WWOX: variants seen among roughly 807,000 people sequenced by gnomAD.
WWOX encodes the protein WW domain containing oxidoreductase.
WWOX carries 69 observed loss-of-function variants against 46.2 expected under a neutral mutation model. The ratio of observed to expected loss-of-function variants is 1.49; its 90% CI spans 1.23 to 1.82. WWOX has a LOEUF of 1.82. Ranked by LOEUF, WWOX falls within the 40% of genes most tolerant of loss-of-function variation. The probability of loss-of-function intolerance (pLI) is 0.00; values close to 1 mark genes in which losing one functional copy is unlikely to be tolerated. For missense variants in WWOX, 919 were observed against 542.6 expected, an observed-to-expected ratio of 1.69 and a Z score of -6.89; for synonymous variants, 359 against 202.6, an observed-to-expected ratio of 1.77 and a Z score of -6.56.
intron 8 of WWOX, among the ~76,000 whole-genome samples, chr16:79,009,616 A>G (rs558466905): frequency 6.6e-6 from 1 of 152,046 alleles, no homozygotes; most frequent in South Asian, 2.1e-4. Flanking sequence ...ACACCTGACT[A>G]ATGTTTGTAT....
chr16:78,553,786 C>CCCTGCAGGT (rs1258506116), intron 8 of WWOX, among the ~76,000 whole-genome samples: 5 of 151,872 alleles, frequency 3.3e-5, no homozygotes, highest in African/African-American at 7.3e-5. Flanking sequence ...ATGAGTGTGG[C>CCCTGCAGGT]CCTGCAGGTC....
chr16:78,660,142 C>T (rs1597406858), intron 8 of WWOX, among the ~76,000 whole-genome samples: 1 of 152,148 alleles, frequency 6.6e-6, no homozygotes, highest in African/African-American at 2.4e-5. Context: ...GGGCCTTTCC[C>T]ATCTGTTTAC....
At chr16:79,048,596 G>A (rs772310603) in intron 8 of WWOX, among the ~76,000 whole-genome samples, 2 of 152,054 alleles carry the variant, frequency 1.3e-5, no homozygotes, top group Non-Finnish European at 2.9e-5. Flanking sequence ...TTAACATAAC[G>A]TATGCTAAAG....
intron 8 of WWOX, among the ~76,000 whole-genome samples, chr16:78,833,358 C>T (rs1255278199): frequency 1.3e-5 from 2 of 152,124 alleles, no homozygotes; most frequent in Non-Finnish European, 2.9e-5. Flanking sequence ...AACTTGCACT[C>T]TTTCCTGCAT....
At chr16:79,150,065 C>G (rs940358456) in intron 8 of WWOX, among the ~76,000 whole-genome samples, 1 of 152,186 alleles carries the variant, frequency 6.6e-6, no homozygotes, top group South Asian at 2.1e-4. Flanking sequence ...GATTAGGCCT[C>G]TCATTTTAAG....
intron 8 of WWOX, among the ~76,000 whole-genome samples, chr16:78,822,003 A>G (rs534301723): frequency 1.3e-5 from 2 of 152,226 alleles, no homozygotes; most frequent in African/African-American, 4.8e-5. Context: ...CAGTCTCCTG[A>G]GTAGGTAGGA....
chr16:78,316,101 C>G (rs117727309), intron 5 of WWOX, among the ~76,000 whole-genome samples: 2,643 of 151,776 alleles, frequency 0.017, 20 homozygotes, highest in Non-Finnish European at 0.026. Context: ...AAAAAAAAAT[C>G]AGGCATGTTA....
At chr16:78,571,637 G>A (rs957207828) in intron 8 of WWOX, among the ~76,000 whole-genome samples, 10 of 152,132 alleles carry the variant, frequency 6.6e-5, no homozygotes, top group African/African-American at 4.8e-5. Context: ...AGGAGTCCAA[G>A]GCAGGTGGAT....
chr16:78,762,191 C>T (rs1300228516), intron 8 of WWOX, among the ~76,000 whole-genome samples: 1 of 152,152 alleles, frequency 6.6e-6, no homozygotes, highest in Non-Finnish European at 1.5e-5. Context: ...ACCAAAATCA[C>T]AGACCCAGGA....
chr16:78,739,304 C>T (rs867532586), intron 8 of WWOX, among the ~76,000 whole-genome samples: 2 of 152,190 alleles, frequency 1.3e-5, no homozygotes, highest in African/African-American at 4.8e-5. Context: ...GATGGTCATA[C>T]TGGGTTTTGG....
intron 6 of WWOX, among the ~76,000 whole-genome samples, chr16:78,402,917 G>A (rs2082446333): frequency 6.6e-6 from 1 of 152,178 alleles, no homozygotes; most frequent in Non-Finnish European, 1.5e-5. Context: ...CCAGAGCCAA[G>A]TGCCATTCTC....
At position 79,053,260 on chromosome 16, in the gene WWOX, T is replaced by G. The variant is rs528525232; in HGVS notation, c.1057-158348T>G. Among the ~76,000 whole-genome samples the G allele has an allele frequency of 8.5e-5, 13 of 152,302 alleles. No individual in the cohort carries two copies. The South Asian group carries it at 2.7e-3, about 32-fold the overall frequency. ...TACGTAATTACAAAGTCTTTGCTTTTTTCCCCTACATAAATTTATTTTGAG... is the reference window on the plus strand; with the variant it reads ...TACGTAATTACAAAGTCTTTGCTTTGTTCCCCTACATAAATTTATTTTGAG... On this transcript the variant is annotated intron_variant, in intron 8 of 8. Transcript: ENST00000566780.
At chr16:79,139,270 A>G (rs1317966850) in intron 8 of WWOX, among the ~76,000 whole-genome samples, 1 of 152,254 alleles carries the variant, frequency 6.6e-6, no homozygotes, top group African/African-American at 2.4e-5. Flanking sequence ...GCTGCTGCTG[A>G]TCACGTTAAG....
intron 5 of WWOX, among the ~76,000 whole-genome samples, chr16:78,292,994 A>G (rs1353071709): frequency 6.6e-6 from 1 of 152,184 alleles, no homozygotes; most frequent in African/African-American, 2.4e-5. Context: ...TGGAAAAGTC[A>G]CCATTTCTTG....
chr16:78,662,082 G>A (rs1288275903), intron 8 of WWOX, among the ~76,000 whole-genome samples: 1 of 152,024 alleles, frequency 6.6e-6, no homozygotes, highest in East Asian at 1.9e-4. Context: ...TAGTGGTGGT[G>A]GTGGTGGTGG....
intron 8 of WWOX, among the ~76,000 whole-genome samples, chr16:79,011,677 G>A (rs1186721635): frequency 1.3e-5 from 2 of 151,544 alleles, no homozygotes; most frequent in Non-Finnish European, 2.9e-5. Context: ...GCATTTTTTA[G>A]AGATGAGTTT....
rs57224164 is a variant in WWOX at position 79,212,549 on chromosome 16, C to T, written c.*753C>T. ...ATATTTTGGGGGGCAGAGAATAAAACGTTAGTTAATCCCTTTGTCTGTCAA... is the reference window on the plus strand; with the variant it reads ...ATATTTTGGGGGGCAGAGAATAAAATGTTAGTTAATCCCTTTGTCTGTCAA... On this transcript the variant is annotated 3_prime_UTR_variant, in exon 9 of 9. Coordinates refer to ENST00000566780, the MANE Select transcript of WWOX (RefSeq NM_016373.4). The T allele has an allele frequency of 1.2e-3, 195 of 169,218 alleles. No individual in the cohort carries two copies. Among genetic ancestry groups the T allele is most frequent in the African/African-American group, 4.4e-3 (184 of 41,976 alleles). The allele number at this position is 169,218 out of a possible 1,614,324, so 10.5% of individuals were successfully genotyped here. A position where few individuals can be genotyped will look rare whatever the true frequency, so the allele number is the denominator to read the frequency against.
intron 8 of WWOX, among the ~76,000 whole-genome samples, chr16:78,436,792 G>A (rs1212617413): frequency 1.3e-5 from 2 of 152,170 alleles, no homozygotes; most frequent in East Asian, 3.9e-4. Flanking sequence ...CAGACTGACT[G>A]GAAAAGTCAC....
At chr16:78,688,712 C>T (rs182697582) in intron 8 of WWOX, among the ~76,000 whole-genome samples, 4 of 152,196 alleles carry the variant, frequency 2.6e-5, no homozygotes, top group South Asian at 2.1e-4. Flanking sequence ...GGAGAGTGCT[C>T]CTGGCATCTG....
Sources: gnomAD v4.1 joint callset for allele counts (sites outside exome capture counted in the v4.1 genomes callset) on GRCh38, gnomAD v4.1.1 for gene constraint, MANE v1.5 for transcripts, NCBI Gene and HGNC (gene_info 2026-07-23, HGNC 2026-07-21) for gene names.